IMPG2: variants seen among roughly 807,000 people sequenced by gnomAD.
IMPG2 encodes interphotoreceptor matrix proteoglycan 2, also known as IPM 200.
In IMPG2, 91 loss-of-function variants were observed where a neutral mutation model predicts 129.2. The observed-to-expected ratio is 0.70, with a 90% CI of 0.59 to 0.84. The LOEUF (loss-of-function observed/expected upper bound fraction) is 0.84. Among genes scored for constraint, IMPG2 ranks in the 40% least tolerant of loss-of-function variants. The pLI is 0.00. For missense variants in IMPG2, 1,430 were observed against 1,461.7 expected (o/e 0.98, Z 0.35); for synonymous variants, 510 against 517.7 (o/e 0.99, Z 0.20).
At chr3:101,232,758 C>G (rs1706303302) in intron 15 of IMPG2, 23 bp downstream of exon 15, 2 of 1,608,870 alleles carry the variant, frequency 1.2e-6, no homozygotes, top group African/African-American at 1.3e-5. Context: ...CCTCTAAAGT[C>G]AAAATCTGTA....
intron 11 of IMPG2, among the ~76,000 whole-genome samples, chr3:101,252,068 AG>A (rs1168062017): frequency 6.6e-6 from 1 of 152,140 alleles, no homozygotes; most frequent in Non-Finnish European, 1.5e-5. Context: ...TGCAAATGAA[AG>A]CACTGCAACG....
chr3:101,287,947 A>G (rs572236539), intron 4 of IMPG2, among the ~76,000 whole-genome samples: 7 of 152,304 alleles, frequency 4.6e-5, no homozygotes, highest in African/African-American at 1.7e-4. Context: ...CAACATACTA[A>G]ACAGACAACC....
At chr3:101,240,366 C>T (rs1258462969) in intron 14 of IMPG2, among the ~76,000 whole-genome samples, 1 of 152,098 alleles carries the variant, frequency 6.6e-6, no homozygotes, top group Non-Finnish European at 1.5e-5. Context: ...CAATCCTTCT[C>T]CCTCAGCCTC....
At chr3:101,304,766 G>A (rs911062042) in intron 2 of IMPG2, among the ~76,000 whole-genome samples, 12 of 151,732 alleles carry the variant, frequency 7.9e-5, no homozygotes, top group African/African-American at 2.9e-4. Flanking sequence ...AGACACTGAC[G>A]TTTATAAATG....
At chr3:101,263,102 G>A (rs910925891) in intron 9 of IMPG2, among the ~76,000 whole-genome samples, 3 of 151,934 alleles carry the variant, frequency 2.0e-5, no homozygotes, top group African/African-American at 7.2e-5. Flanking sequence ...AATAACAGTT[G>A]AGGACTTCAA....
At chr3:101,228,467 G>C (rs1450642477) in intron 18 of IMPG2, among the ~76,000 whole-genome samples, 2 of 152,182 alleles carry the variant, frequency 1.3e-5, no homozygotes, top group Non-Finnish European at 2.9e-5. Flanking sequence ...ACTATGTGTA[G>C]TCCAGGCGTC....
intron 4 of IMPG2, among the ~76,000 whole-genome samples, chr3:101,277,244 G>A (rs1706848530): frequency 6.6e-6 from 1 of 152,208 alleles, no homozygotes; most frequent in Non-Finnish European, 1.5e-5. Context: ...GAACAGGAAT[G>A]TATTAAGAAT....
chr3:101,305,937 G>A (rs140911637), intron 2 of IMPG2, among the ~76,000 whole-genome samples: 5 of 152,274 alleles, frequency 3.3e-5, no homozygotes, highest in African/African-American at 1.2e-4. Context: ...AGAGTGGTAA[G>A]AGAGAAAGTT....
intron 2 of IMPG2, among the ~76,000 whole-genome samples, chr3:101,317,586 A>G (rs1465650870): frequency 6.6e-6 from 1 of 152,180 alleles, no homozygotes; most frequent in East Asian, 1.9e-4. Context: ...ATGTTAAAAT[A>G]CTCATTTCTG....
chr3:101,229,426 C>G lies in IMPG2; in HGVS notation c.3587G>C (p.Arg1196Thr). The stretch of plus-strand genomic sequence containing the variant: ...CTCATACATCTGTCTGATTTCTTCT[C>G]TGCTCAGCCCACCAATCACGTCTCC... ...ASGDVIGGLS[R>T]EEIRQMYESS... Residue 1196 changes from arginine to threonine, a missense_variant, in exon 17 of 19, where the codon AGA becomes ACA. Coordinates refer to ENST00000193391, the MANE Select transcript of IMPG2 (RefSeq NM_016247.4). 6 of 1,610,808 alleles carry G rather than the reference C, an allele frequency of 3.7e-6. No individual in the cohort carries two copies. Among genetic ancestry groups the G allele is most frequent in the Non-Finnish European group, 4.2e-6 (5 of 1,178,982 alleles).
rs529215933 is a variant in IMPG2, at chr3:101,287,360, T to G, written c.533+4119A>C. On this transcript the variant is annotated intron_variant, in intron 4 of 18. Coordinates refer to ENST00000193391, the MANE Select transcript of IMPG2 (RefSeq NM_016247.4). ...AATGCTATTCCTATCATACTAGCAA[T>G]GTCATTCTTCACAGAATTAGAAAAA... 2.2e-3 allele frequency among the ~76,000 whole-genome samples: 329 copies of G among 152,278 alleles called. 2 individuals carry two copies. The highest frequency in any genetic ancestry group is 7.3e-3 in the African/African-American group (302 of 41,566).
rs774027495 is a variant in IMPG2 at position 101,244,237 on chromosome 3, C to A, written c.2094G>T (p.Ala698=). ...PIFADTAAES[A]SLTLPKHISE... The stretch of plus-strand genomic sequence containing the variant: ...ATATGTGCTTGGGGAGGGTTAGAGA[C>A]GCAGATTCAGCTGCAGTATCTGCGA... The change falls in exon 13 of 19, where the codon GCG becomes GCT. Residue 698 remains alanine, a synonymous_variant. Coordinates refer to ENST00000193391, the MANE Select transcript of IMPG2 (RefSeq NM_016247.4). 1 of 1,613,924 alleles carries A rather than the reference C, an allele frequency of 6.2e-7. No individual in the cohort carries two copies. Among genetic ancestry groups the A allele is most frequent in the East Asian group, 2.2e-5 (1 of 44,820 alleles).
At chr3:101,301,637 C>T (rs1013784896) in intron 3 of IMPG2, among the ~76,000 whole-genome samples, 2 of 152,186 alleles carry the variant, frequency 1.3e-5, no homozygotes, top group South Asian at 4.1e-4. Context: ...TCTTAGTTAC[C>T]CAAGCCAGAA....
chr3:101,305,037 C>T (rs565274066), intron 2 of IMPG2, among the ~76,000 whole-genome samples: 15 of 152,112 alleles, frequency 9.9e-5, no homozygotes, highest in African/African-American at 3.1e-4. Flanking sequence ...CACACAAAAA[C>T]CTGCATACGG....
chr3:101,280,955 A>T (rs945240638), intron 4 of IMPG2, among the ~76,000 whole-genome samples: 9 of 151,982 alleles, frequency 5.9e-5, no homozygotes, highest in Non-Finnish European at 5.9e-5. Flanking sequence ...GCAAAAAAAA[A>T]AAATTATATA....
At chr3:101,264,928 A>G (rs908381611) in intron 9 of IMPG2, among the ~76,000 whole-genome samples, 1 of 151,890 alleles carries the variant, frequency 6.6e-6, no homozygotes. Flanking sequence ...GAGAAAAAAA[A>G]GGCAATCCCA....
chr3:101,302,435 T>C (rs977475556), intron 3 of IMPG2, among the ~76,000 whole-genome samples: 1 of 152,184 alleles, frequency 6.6e-6, no homozygotes, highest in Non-Finnish European at 1.5e-5. Context: ...AGCTATCCCA[T>C]GTTAGCCACT....
chr3:101,291,677 T>C (rs1707010947), intron 3 of IMPG2, among the ~76,000 whole-genome samples, 167 bp from the exon 4 acceptor site: 1 of 152,218 alleles, frequency 6.6e-6, no homozygotes, highest in African/African-American at 2.4e-5. Context: ...ACCAAGTTTG[T>C]TTTGTGACTA....
chr3:101,301,004 G>A (rs910272573), intron 3 of IMPG2, among the ~76,000 whole-genome samples: 2 of 152,254 alleles, frequency 1.3e-5, no homozygotes, highest in African/African-American at 4.8e-5. Context: ...AGCCATTGTC[G>A]GGTTATTAAC....
Sources: allele counts gnomAD v4.1 joint callset (sites outside exome capture counted in the v4.1 genomes callset), GRCh38; gene constraint gnomAD v4.1.1; transcripts MANE v1.5; gene names NCBI Gene and HGNC (gene_info 2026-07-23, HGNC 2026-07-21).